The following DIAPH1 variants were observed in gnomAD, a reference collection of about 807,000 sequenced individuals.
DIAPH1 encodes the protein diaphanous related formin 1, also known as protein diaphanous homolog 1.
DIAPH1 carries 46 observed loss-of-function variants against 140.7 expected under a neutral mutation model. The observed-to-expected ratio is 0.33, with a 90% CI of 0.26 to 0.42. DIAPH1 has a LOEUF of 0.42. DIAPH1 is among the 10% of genes least tolerant of loss of function. DIAPH1 has a pLI of 1.00. For synonymous variants in DIAPH1, 565 were observed against 551.6 expected (o/e 1.02, Z -0.34); for missense variants, 1,310 against 1,558.7 (o/e 0.84, Z 2.69).
intron 1 of DIAPH1, among the ~76,000 whole-genome samples, chr5:141,595,088 T>C (rs2099899109): frequency 6.6e-6 from 1 of 150,624 alleles, no homozygotes; most frequent in Non-Finnish European, 1.5e-5. Flanking sequence ...ACATATTATA[T>C]GTACCCAACT....
chr5:141,564,327 T>C (rs560113865), intron 18 of DIAPH1: 2 of 152,320 alleles, frequency 1.3e-5, no homozygotes, highest in African/African-American at 4.8e-5. Flanking sequence ...AGAGGTTGCC[T>C]CTCTCTAACG....
chr5:141,607,948 A>C (rs1038331046), intron 1 of DIAPH1, among the ~76,000 whole-genome samples: 1 of 152,208 alleles, frequency 6.6e-6, no homozygotes, highest in Non-Finnish European at 1.5e-5. Flanking sequence ...ATAACCCCCT[A>C]ATTTTACAAA....
intron 1 of DIAPH1, among the ~76,000 whole-genome samples, chr5:141,615,161 C>T (rs992683886): frequency 3.9e-5 from 6 of 152,098 alleles, no homozygotes; most frequent in Admixed American, 6.6e-5. Flanking sequence ...CTTGGCCGGA[C>T]GAGGTGGCTC....
chr5:141,582,334 A>C lies in DIAPH1; in HGVS notation c.662T>G (p.Leu221Trp). 1 of 1,613,994 alleles carries C rather than the reference A, an allele frequency of 6.2e-7. No homozygotes were observed. Among genetic ancestry groups the C allele is most frequent in the East Asian group, 2.2e-5 (1 of 44,872 alleles). The change falls in exon 7 of 28, where the codon TTG becomes TGG. Residue 221 changes from leucine (L) to tryptophan (W), a missense_variant. Physicochemically the swap from Leu to Trp is moderately conservative, Grantham distance 61. Coordinates refer to ENST00000389054, the MANE Select transcript of DIAPH1 (RefSeq NM_005219.5). The stretch of plus-strand genomic sequence containing the variant: ...CACCTTGTTGTTCATAAAAGCTTTC[A>C]AGCAGCGAATGATCTCATGCTTGTT... ...SRNKHEIIRC[L>W]KAFMNNKFGI...
chr5:141,563,836 G>GA (rs1449983330), intron 18 of DIAPH1: 2 of 152,214 alleles, frequency 1.3e-5, no homozygotes, highest in Non-Finnish European at 2.9e-5. Flanking sequence ...CTTTGACCGT[G>GA]AAAATCTTTC....
Position 141,575,024 on chromosome 5 carries a change from C to T in DIAPH1, c.1584G>A (p.Gln528=), listed in dbSNP as rs1562322405. 6 of 1,614,058 alleles carry T rather than the reference C, an allele frequency of 3.7e-6. No homozygotes were observed. In the Admixed American group the frequency reaches 8.3e-5, roughly 22 times the overall value. The change falls in exon 15 of 28, where the codon CAG becomes CAA. Residue 528 remains glutamine (Q), a synonymous_variant. Coordinates refer to ENST00000389054, the MANE Select transcript of DIAPH1 (RefSeq NM_005219.5). ...GEKDALHSEK[Q]QIATEKQDLE... is the part of the protein sequence containing the mutation. The stretch of plus-strand genomic sequence containing the variant: ...GGTCCTGTTTCTCTGTGGCAATTTG[C>T]TGCTTTTCAGAATGCAGTGCATCTT...
intron 18 of DIAPH1, among the ~76,000 whole-genome samples, chr5:141,557,187 T>C (rs1208396022): frequency 6.6e-6 from 1 of 152,214 alleles, no homozygotes; most frequent in Non-Finnish European, 1.5e-5. Flanking sequence ...ACTGGCTATC[T>C]GATGATAAAG....
intron 18 of DIAPH1, among the ~76,000 whole-genome samples, chr5:141,547,074 A>T (rs912188555): frequency 4.6e-5 from 7 of 152,244 alleles, no homozygotes; most frequent in African/African-American, 1.7e-4. Context: ...CAGTTTCCCA[A>T]AAAGGACTTT....
chr5:141,552,953 C>A (rs2099891967), intron 18 of DIAPH1, among the ~76,000 whole-genome samples: 1 of 152,202 alleles, frequency 6.6e-6, no homozygotes, highest in South Asian at 2.1e-4. Context: ...GTGGCACTCT[C>A]TTACGGCAGC....
At position 141,527,715 on chromosome 5, in the gene DIAPH1, A is replaced by AC; in HGVS notation, c.3149-19_3149-18insG. On this transcript the variant is annotated intron_variant, in intron 23 of 27. Coordinates refer to ENST00000389054, the MANE Select transcript of DIAPH1 (RefSeq NM_005219.5). The stretch of plus-strand genomic sequence containing the variant: ...AGCAGAAACTAAAAAAAAAAAAAAA[A>AC]AAAAAAACCATAAAAACAGACAGCA... The AC allele has an allele frequency of 1.3e-6, 2 of 1,566,144 alleles. No homozygotes were observed. The highest frequency in any genetic ancestry group is 1.7e-6 in the Non-Finnish European group (2 of 1,158,130).
Position 141,580,785 on chromosome 5 carries a change from C to T in DIAPH1, c.783G>A (p.Lys261=), listed in dbSNP as rs727502962. 5 of 1,614,196 alleles carry T rather than the reference C, an allele frequency of 3.1e-6. No homozygotes were observed. The East Asian group carries it at 6.7e-5, about 22-fold the overall frequency. Residue 261 remains lysine (K), a synonymous_variant, in exon 8 of 28, where the codon AAG becomes AAA. Transcript: ENST00000389054. ...GTAGAATACAAAGAGCAGAAAGCAG[C>T]TTAGCTGCATCAATCATCATGTTGG... ...AVPNMMIDAA[K]LLSALCILPQ... is the part of the protein sequence containing the mutation.
intron 2 of DIAPH1, chr5:141,587,459 T>C (rs926350863): frequency 3.3e-5 from 16 of 489,188 alleles, no homozygotes; most frequent in Middle Eastern, 1.2e-3. Flanking sequence ...AGAAGAAACA[T>C]TGTTCTTGAT....
At chr5:141,560,844 A>G in intron 18 of DIAPH1, 2 of 455,958 alleles carry the variant, frequency 4.4e-6, no homozygotes, top group South Asian at 3.1e-5. Flanking sequence ...CCCCAGCCTG[A>G]GCCTGCAGAG....
intron 18 of DIAPH1, among the ~76,000 whole-genome samples, chr5:141,558,733 C>G (rs1463325801): frequency 1.3e-5 from 2 of 151,976 alleles, no homozygotes; most frequent in East Asian, 3.9e-4. Flanking sequence ...GTACCTATGA[C>G]TAAAAAAGAA....
intron 1 of DIAPH1, among the ~76,000 whole-genome samples, chr5:141,607,539 C>T (rs1054091734): frequency 6.6e-5 from 10 of 152,196 alleles, no homozygotes; most frequent in Admixed American, 5.2e-4. Context: ...TGGCCAAAAA[C>T]GGACATCAAC....
chr5:141,572,256 T>C (rs1287705189), intron 16 of DIAPH1, among the ~76,000 whole-genome samples: 1 of 152,242 alleles, frequency 6.6e-6, no homozygotes, highest in African/African-American at 2.4e-5. Context: ...ACTAGATTCA[T>C]ATATATACTA....
At chr5:141,609,311 C>T (rs2099901447) in intron 1 of DIAPH1, among the ~76,000 whole-genome samples, 1 of 152,062 alleles carries the variant, frequency 6.6e-6, no homozygotes, top group Non-Finnish European at 1.5e-5. Flanking sequence ...AAGGGAATAC[C>T]ACCAAAATTT....
In DIAPH1 at chr5:141,591,699, T is replaced by G. The variant is rs970303836; in HGVS notation, c.118-3449A>C. On this transcript the variant is annotated intron_variant, in intron 1 of 27. Transcript: ENST00000389054. Reference sequence around the variant, plus strand: ...AAAGGAAGGAAGGGAGATGGGGATATATATATATATATATATATATATATA... The same window carrying G: ...AAAGGAAGGAAGGGAGATGGGGATAGATATATATATATATATATATATATA... Among the ~76,000 whole-genome samples, 400 of 67,404 alleles carry G rather than the reference T, an allele frequency of 5.9e-3. 16 individuals are homozygous for G. The highest frequency in any genetic ancestry group is 0.021 in the African/African-American group (367 of 17,224). 44.2% of individuals were successfully genotyped at this position (67,404 alleles called of 152,430 possible). A position where few individuals can be genotyped will look rare whatever the true frequency, so the allele number is the denominator to read the frequency against.
chr5:141,578,329 A>G lies in DIAPH1; in HGVS notation c.1059T>C (p.Ile353=). 1 of 1,613,698 alleles carries G rather than the reference A, an allele frequency of 6.2e-7. No homozygotes were observed. Among genetic ancestry groups the G allele is most frequent in the Non-Finnish European group, 8.5e-7 (1 of 1,179,662 alleles). ...LHQVLQDLRE[I]ENEDMRVQLN... The stretch of plus-strand genomic sequence containing the variant: ...GTTGCACTCTCATATCTTCATTTTC[A>G]ATCTCTCGAAGGTCCTGTCAACAAC... Residue 353 remains isoleucine (I), a synonymous_variant, in exon 11 of 28, where the codon ATT becomes ATC. Transcript: ENST00000389054.
Sources: gnomAD v4.1 joint callset for allele counts (sites outside exome capture counted in the v4.1 genomes callset) on GRCh38, gnomAD v4.1.1 for gene constraint, MANE v1.5 for transcripts, NCBI Gene and HGNC (gene_info 2026-07-23, HGNC 2026-07-21) for gene names.